Variants in FTO observed in about 807,000 individuals in gnomAD.
The protein encoded by FTO is alpha-ketoglutarate-dependent dioxygenase FTO.
FTO carries 47 observed loss-of-function variants against 63.9 expected under a neutral mutation model. The ratio of observed to expected loss-of-function variants is 0.74; its 90% CI spans 0.58 to 0.94. FTO has a LOEUF of 0.94. FTO is among the 40% of genes least tolerant of loss of function. The pLI is 0.00. For missense variants in FTO, 562 were observed against 618.1 expected, an observed-to-expected ratio of 0.91 and a Z score of 0.96; for synonymous variants, 207 against 224.4, an observed-to-expected ratio of 0.92 and a Z score of 0.69.
chr16:54,021,551 G>T (rs187082765), intron 8 of FTO, among the ~76,000 whole-genome samples: 1 of 152,096 alleles, frequency 6.6e-6, no homozygotes, highest in Admixed American at 6.6e-5. Context: ...GTGCAGTGTC[G>T]CAATCTCGGC....
intron 7 of FTO, among the ~76,000 whole-genome samples, chr16:53,896,901 G>T (rs1026665617): frequency 2.6e-5 from 4 of 152,094 alleles, no homozygotes; most frequent in Non-Finnish European, 5.9e-5. Context: ...GCTGGGCTGG[G>T]AATCTTTCCA....
intron 1 of FTO, among the ~76,000 whole-genome samples, chr16:53,737,090 T>G: frequency 6.6e-6 from 1 of 152,246 alleles, no homozygotes; most frequent in East Asian, 1.9e-4. Flanking sequence ...GAACCCTGTG[T>G]GCGCCTGTTT....
rs368196331 is a variant in FTO, at chr16:53,930,413, C to T, written c.1240-3572C>T. On this transcript the variant is annotated intron_variant, in intron 7 of 8. Coordinates refer to ENST00000471389, the MANE Select transcript of FTO (RefSeq NM_001080432.3). ...TAATTTTTTGTGTTTTTAGTAGAGA[C>T]GGGGTTTCACCGTGTTAGCCAGGAT... is the stretch of plus-strand genomic sequence containing the variant. Among the ~76,000 whole-genome samples, 154 of 151,440 alleles carry T rather than the reference C, an allele frequency of 1.0e-3. 1 individual carries two copies. The highest frequency in any genetic ancestry group is 3.4e-3 in the African/African-American group (142 of 41,352).
At chr16:53,811,017 G>T (rs939685109) in intron 2 of FTO, among the ~76,000 whole-genome samples, 2 of 152,218 alleles carry the variant, frequency 1.3e-5, no homozygotes, top group Admixed American at 1.3e-4. Context: ...TAATCCTGTT[G>T]GCCTGGTTGG....
At chr16:54,092,937 T>C (rs1271369123) in intron 8 of FTO, among the ~76,000 whole-genome samples, 1 of 152,242 alleles carries the variant, frequency 6.6e-6, no homozygotes, top group African/African-American at 2.4e-5. Flanking sequence ...GGAAGCAGCA[T>C]GCTCTATCCA....
At chr16:54,065,159 T>TTTTATTTAC (rs1567549549) in intron 8 of FTO, among the ~76,000 whole-genome samples, 2,740 of 69,150 alleles carry the variant, frequency 0.04, 104 homozygotes, top group African/African-American at 0.096. Flanking sequence ...ATTTTATTTA[T>TTTTATTTAC]TAATGTACTG....
At chr16:53,772,671 G>T (rs896183303) in intron 1 of FTO, among the ~76,000 whole-genome samples, 1 of 152,084 alleles carries the variant, frequency 6.6e-6, no homozygotes, top group Non-Finnish European at 1.5e-5. Flanking sequence ...CACTGGTGTT[G>T]AATTGGGACT....
At chr16:53,939,151 C>A (rs916811415) in intron 8 of FTO, among the ~76,000 whole-genome samples, 2 of 151,932 alleles carry the variant, frequency 1.3e-5, no homozygotes, top group Non-Finnish European at 2.9e-5. Context: ...CAGGCCTCAC[C>A]CAGACAATAA....
intron 8 of FTO, among the ~76,000 whole-genome samples, chr16:54,007,281 A>C (rs748312447): frequency 7.2e-5 from 11 of 152,190 alleles, no homozygotes; most frequent in Non-Finnish European, 1.2e-4. Flanking sequence ...CATTGTGTAC[A>C]TGTACCCTAA....
At chr16:54,026,705 C>T (rs1473268852) in intron 8 of FTO, among the ~76,000 whole-genome samples, 2 of 152,044 alleles carry the variant, frequency 1.3e-5, no homozygotes, top group African/African-American at 4.8e-5. Context: ...AGACGAGAAG[C>T]CAGGAGAGTC....
At chr16:53,989,536 C>T (rs1050300971) in intron 8 of FTO, among the ~76,000 whole-genome samples, 2 of 152,082 alleles carry the variant, frequency 1.3e-5, no homozygotes, top group African/African-American at 4.8e-5. Context: ...ATAGGGTAGA[C>T]GGCAAGAACT....
chr16:53,825,798 C>G, intron 2 of FTO, 66 bp from the exon 3 acceptor site: 1 of 1,575,884 alleles, frequency 6.3e-7, no homozygotes, highest in Non-Finnish European at 8.6e-7. Context: ...CAAAGAAACA[C>G]ACCTTTGGAA....
chr16:53,923,499 C>T (rs1431279742), intron 7 of FTO, among the ~76,000 whole-genome samples: 1 of 152,136 alleles, frequency 6.6e-6, no homozygotes, highest in Admixed American at 6.5e-5. Flanking sequence ...CAAAATCAGT[C>T]GAGTGCTCTC....
chr16:53,922,552 G>T (rs989349126), intron 7 of FTO, among the ~76,000 whole-genome samples: 11 of 152,178 alleles, frequency 7.2e-5, no homozygotes, highest in African/African-American at 2.7e-4. Flanking sequence ...ACCGACAAAG[G>T]AAACTACTGA....
intron 7 of FTO, among the ~76,000 whole-genome samples, chr16:53,911,754 T>C (rs2151943258): frequency 6.6e-6 from 1 of 152,362 alleles, no homozygotes. Context: ...ACATTTTAAT[T>C]TGCAAAACCT....
intron 1 of FTO, among the ~76,000 whole-genome samples, chr16:53,711,039 A>T (rs1050443453): frequency 6.6e-6 from 1 of 150,880 alleles, no homozygotes; most frequent in Non-Finnish European, 1.5e-5. Context: ...TTGAGATATT[A>T]TATAGCACAT....
At chr16:54,087,924 G>A (rs1329662554) in intron 8 of FTO, among the ~76,000 whole-genome samples, 22 of 152,184 alleles carry the variant, frequency 1.4e-4, no homozygotes, top group African/African-American at 5.3e-4. Flanking sequence ...TATTAGAAAG[G>A]AAATGAGAAT....
rs147635985 is a variant in FTO at position 53,857,440 on chromosome 16, G to GTCTCTCTCTCTC, written c.895+13158_895+13169dup. On this transcript the variant is annotated intron_variant, in intron 4 of 8. Transcript: ENST00000471389. Reference sequence around the variant, plus strand: ...TACTACTAAGCTTTTTGAGAACCTGGTCTCTCTCTCTCTCTCTCTCTCTCT... The same window carrying GTCTCTCTCTCTC: ...TACTACTAAGCTTTTTGAGAACCTGGTCTCTCTCTCTCTCTCTCTCTCTCTCTCTCTCTCTCT... 7.9e-3 allele frequency among the ~76,000 whole-genome samples: 1,116 copies of GTCTCTCTCTCTC among 142,008 alleles called. 16 individuals carry two copies. The highest frequency in any genetic ancestry group is 0.027 in the African/African-American group (1,072 of 39,008). The allele number at this position is 142,008 out of a possible 152,430, so 93.2% of individuals were successfully genotyped here.
chr16:54,088,924 G>A (rs1322401960), intron 8 of FTO, among the ~76,000 whole-genome samples: 1 of 152,218 alleles, frequency 6.6e-6, no homozygotes, highest in African/African-American at 2.4e-5. Context: ...TTGCCAATCA[G>A]GATATGCATA....
Sources: gnomAD v4.1 joint callset for allele counts (sites outside exome capture counted in the v4.1 genomes callset) on GRCh38, gnomAD v4.1.1 for gene constraint, MANE v1.5 for transcripts, NCBI Gene and HGNC (gene_info 2026-07-23, HGNC 2026-07-21) for gene names.